Variants in CHRM2 observed in about 807,000 individuals in gnomAD.
The protein encoded by CHRM2 is muscarinic acetylcholine receptor M2.
Under a neutral mutation model 25.0 loss-of-function variants are expected in CHRM2, and 8 were observed. The ratio of observed to expected loss-of-function variants is 0.32; its 90% confidence interval spans 0.19 to 0.58. CHRM2 has a LOEUF of 0.58. CHRM2 is among the 20% of genes least tolerant of loss of function. The pLI is 0.88. For synonymous variants in CHRM2, 202 were observed against 205.7 expected (o/e 0.98, Z 0.15); for missense variants, 440 against 567.1 (o/e 0.78, Z 2.28).
chr7:136,992,721 G>C (rs1322900022), intron 3 of CHRM2, among the ~76,000 whole-genome samples: 3 of 152,094 alleles, frequency 2.0e-5, no homozygotes, highest in Non-Finnish European at 4.4e-5. Context: ...AGGATTGACT[G>C]ACTCTCTCTC....
chr7:136,981,038 T>C (rs1802450776), intron 2 of CHRM2, among the ~76,000 whole-genome samples: 1 of 152,212 alleles, frequency 6.6e-6, no homozygotes, highest in Non-Finnish European at 1.5e-5. Context: ...TGTTTGCAAC[T>C]CTGGTAGAAT....
chr7:136,887,840 T>G (rs1181457559), intron 2 of CHRM2, among the ~76,000 whole-genome samples: 1 of 152,162 alleles, frequency 6.6e-6, no homozygotes, highest in Non-Finnish European at 1.5e-5. Context: ...TGTCTTGTGA[T>G]CAAATGTGTC....
At position 136,985,504 on chromosome 7, in the gene CHRM2, CAAAAAAAA is replaced by C. The variant is rs974105875; in HGVS notation, c.-124-6666_-124-6659del. On this transcript the variant is annotated intron_variant, in intron 2 of 3. Coordinates refer to ENST00000680005, the MANE Select transcript of CHRM2 (RefSeq NM_001006630.2). ...CAGCCTGGGTAACAGAGTTAGACTC[CAAAAAAAA>C]AAAAAAAAAAAAAAAACAAAAACAC... is the stretch of plus-strand genomic sequence containing the variant. Among the ~76,000 whole-genome samples, 5 of 59,754 alleles carry C rather than the reference CAAAAAAAA, an allele frequency of 8.4e-5. No individual in the cohort carries two copies. The Admixed American group carries it at 1.3e-3, about 15-fold the overall frequency. 39.2% of individuals were successfully genotyped at this position (59,754 alleles called of 152,430 possible).
Position 136,910,068 on chromosome 7 carries a change from G to C in CHRM2, c.-125+40650G>C, listed in dbSNP as rs560083867. ...ATGTGATTTTTAGCCAAGGTGAGGG[G>C]TTGGGCTGGAGCTAGGGCCAGGGAG... On this transcript the variant is annotated intron_variant, in intron 2 of 3. Transcript: ENST00000680005. Among the ~76,000 whole-genome samples, 33 of 151,956 alleles carry C rather than the reference G, an allele frequency of 2.2e-4. No individual in the cohort carries two copies. In the South Asian group the frequency reaches 4.6e-3, roughly 21 times the overall value.
intron 2 of CHRM2, among the ~76,000 whole-genome samples, chr7:136,886,679 C>A (rs11971334): frequency 0.21 from 32,170 of 151,688 alleles, 4,466 homozygotes; most frequent in Non-Finnish European, 0.31. Context: ...CCAGTCTGGG[C>A]AACATAGGAA....
chr7:136,924,800 C>T (rs1798650042), intron 2 of CHRM2, among the ~76,000 whole-genome samples: 1 of 152,182 alleles, frequency 6.6e-6, no homozygotes, highest in South Asian at 2.1e-4. Flanking sequence ...GAAGCTCCTT[C>T]TTATGGTGAG....
intron 2 of CHRM2, among the ~76,000 whole-genome samples, chr7:136,951,251 G>T (rs984022119): frequency 7.2e-5 from 11 of 152,140 alleles, no homozygotes; most frequent in African/African-American, 2.7e-4. Flanking sequence ...CAGGCACATG[G>T]ATGACAAAGA....
At position 137,002,950 on chromosome 7, in the gene CHRM2, T is replaced by C. The variant is rs545065168; in HGVS notation, c.-47+10686T>C. ...ATTATGTGCCTTTTTAAAAATATTGTCAATGGTAGATTTTATTTTCCACAT... is the reference window on the plus strand; with the variant it reads ...ATTATGTGCCTTTTTAAAAATATTGCCAATGGTAGATTTTATTTTCCACAT... On this transcript the variant is annotated intron_variant, in intron 3 of 3. Coordinates refer to ENST00000680005, the MANE Select transcript of CHRM2 (RefSeq NM_001006630.2). Among the ~76,000 whole-genome samples, 13 of 152,242 alleles carry C rather than the reference T, an allele frequency of 8.5e-5. No homozygotes were observed. In the South Asian group the frequency reaches 1.0e-3, roughly 12 times the overall value.
intron 2 of CHRM2, among the ~76,000 whole-genome samples, chr7:136,936,420 ACT>A (rs1267404023): frequency 6.6e-6 from 1 of 152,222 alleles, no homozygotes; most frequent in East Asian, 1.9e-4. Flanking sequence ...AACACATTGT[ACT>A]GTAGCTAGGT....
At chr7:136,994,238 C>T (rs1276288617) in intron 3 of CHRM2, among the ~76,000 whole-genome samples, 1 of 152,146 alleles carries the variant, frequency 6.6e-6, no homozygotes, top group Non-Finnish European at 1.5e-5. Flanking sequence ...AGTGTCAGAG[C>T]TCAAACATCA....
chr7:136,967,711 C>G (rs1315299643), intron 2 of CHRM2, among the ~76,000 whole-genome samples: 1 of 151,758 alleles, frequency 6.6e-6, no homozygotes, highest in Admixed American at 6.6e-5. Context: ...TCTGTAATTA[C>G]TATTAGACTT....
At position 137,000,827 on chromosome 7, in the gene CHRM2, T is replaced by C. The variant is rs967307300; in HGVS notation, c.-47+8563T>C. Among the ~76,000 whole-genome samples the C allele has an allele frequency of 3.3e-5, 5 of 152,102 alleles. No homozygotes were observed. In the East Asian group the frequency reaches 9.7e-4, roughly 29 times the overall value. On this transcript the variant is annotated intron_variant, in intron 3 of 3. Coordinates refer to ENST00000680005, the MANE Select transcript of CHRM2 (RefSeq NM_001006630.2). The stretch of plus-strand genomic sequence containing the variant: ...ATCCTTTGGCTTTTATATCCTTGTG[T>C]ACTTTATTGAGTGATTCATAATTTT...
intron 2 of CHRM2, among the ~76,000 whole-genome samples, chr7:136,910,359 C>T (rs1253758614): frequency 2.6e-5 from 4 of 151,752 alleles, no homozygotes. Flanking sequence ...TCCTTATTTT[C>T]AGGGAGTTTG....
chr7:136,929,566 GC>G (rs1362959407), intron 2 of CHRM2, among the ~76,000 whole-genome samples: 1 of 151,848 alleles, frequency 6.6e-6, no homozygotes. Flanking sequence ...CCTCCTTCTT[GC>G]CACTCTGAGA....
chr7:136,905,047 G>C (rs1367788079), intron 2 of CHRM2, among the ~76,000 whole-genome samples: 1 of 151,832 alleles, frequency 6.6e-6, no homozygotes, highest in Non-Finnish European at 1.5e-5. Flanking sequence ...TATTAATATT[G>C]GTTGAAAATT....
intron 2 of CHRM2, among the ~76,000 whole-genome samples, chr7:136,896,459 G>A (rs2130588006): frequency 6.6e-6 from 1 of 152,278 alleles, no homozygotes; most frequent in African/African-American, 2.4e-5. Flanking sequence ...TAGGTGGAAT[G>A]TAGTAATCTC....
chr7:136,962,431 G>A (rs577440538), intron 2 of CHRM2, among the ~76,000 whole-genome samples: 6 of 152,130 alleles, frequency 3.9e-5, no homozygotes, highest in East Asian at 3.9e-4. Context: ...CACTGCGCCC[G>A]GCCACAACTG....
At chr7:136,905,930 T>C (rs1177986678) in intron 2 of CHRM2, among the ~76,000 whole-genome samples, 2 of 151,550 alleles carry the variant, frequency 1.3e-5, no homozygotes, top group East Asian at 3.9e-4. Context: ...CTGGAAATTA[T>C]CAAAGCCAAG....
Position 136,912,869 on chromosome 7 carries a change from G to A in CHRM2, c.-125+43451G>A, listed in dbSNP as rs557720580. ...GCCTTAGTTTCATCCTCTATGAAACGCGGTAATGATACACATCTCATAGGG... is the reference window on the plus strand; with the variant it reads ...GCCTTAGTTTCATCCTCTATGAAACACGGTAATGATACACATCTCATAGGG... On this transcript the variant is annotated intron_variant, in intron 2 of 3. Transcript: ENST00000680005. Among the ~76,000 whole-genome samples the A allele has an allele frequency of 2.0e-4, 30 of 151,918 alleles. No individual in the cohort carries two copies. The South Asian group carries it at 5.6e-3, about 28-fold the overall frequency.
Sources: gnomAD v4.1 joint callset for allele counts (sites outside exome capture counted in the v4.1 genomes callset) on GRCh38, gnomAD v4.1.1 for gene constraint, MANE v1.5 for transcripts, NCBI Gene and HGNC (gene_info 2026-07-23, HGNC 2026-07-21) for gene names.